FAM180A: variants seen among roughly 807,000 people sequenced by gnomAD.
FAM180A encodes the protein protein FAM180A.
In FAM180A, 14 loss-of-function variants were observed where a neutral mutation model predicts 15.3. The observed-to-expected ratio is 0.92, with a 90% CI of 0.61 to 1.43. The LOEUF (loss-of-function observed/expected upper bound fraction) is 1.43, where lower values mean the gene tolerates loss of function less well. FAM180A is among the 40% of genes most tolerant of loss of function. The probability of loss-of-function intolerance (pLI) is 0.00; values close to 1 mark genes in which losing one functional copy is unlikely to be tolerated. For missense variants in FAM180A, 200 were observed against 220.8 expected (o/e 0.91, Z 0.60); for synonymous variants, 90 against 96.8 (o/e 0.93, Z 0.41).
At chr7:135,739,903 G>A (rs1027765156) in intron 1 of FAM180A, among the ~76,000 whole-genome samples, 4 of 152,130 alleles carry the variant, frequency 2.6e-5, no homozygotes, top group Non-Finnish European at 4.4e-5. Flanking sequence ...GCAGGCTTCC[G>A]GGGTGTGCGC....
At chr7:135,744,500 G>C (rs1435419390) in intron 1 of FAM180A, among the ~76,000 whole-genome samples, 2 of 152,166 alleles carry the variant, frequency 1.3e-5, no homozygotes, top group African/African-American at 2.4e-5. Context: ...CAGCCCTCTG[G>C]AAACAGAGTG....
intron 1 of FAM180A, among the ~76,000 whole-genome samples, chr7:135,739,680 T>TTA (rs1796918862): frequency 1.4e-5 from 2 of 140,316 alleles, no homozygotes. Context: ...CAGAAGTGAT[T>TTA]AAAAAAAAAA....
intron 1 of FAM180A, among the ~76,000 whole-genome samples, chr7:135,746,874 C>A (rs1408734886): frequency 6.6e-6 from 1 of 152,142 alleles, no homozygotes; most frequent in Non-Finnish European, 1.5e-5. Flanking sequence ...CTGAGGTGGG[C>A]AGATCACTTG....
In FAM180A at chr7:135,729,773, G is replaced by T; in HGVS notation, c.*838C>A. On this transcript the variant is annotated 3_prime_UTR_variant, in exon 4 of 4. Transcript: ENST00000338588. ...GCTCAAGAAATGTAAGCCAGATCCC[G>T]CTTGTATGAGGTATCTTAAGTAGTC... The T allele has an allele frequency of 1.2e-5, 12 of 982,992 alleles. No individual in the cohort carries two copies. The highest frequency in any genetic ancestry group is 1.4e-5 in the Non-Finnish European group (12 of 828,320). 60.9% of individuals were successfully genotyped at this position (982,992 alleles called of 1,614,324 possible). A position where few individuals can be genotyped will look rare whatever the true frequency, so the allele number is the denominator to read the frequency against.
intron 1 of FAM180A, among the ~76,000 whole-genome samples, chr7:135,748,248 C>A (rs1489636700): frequency 6.6e-6 from 1 of 152,184 alleles, no homozygotes; most frequent in Non-Finnish European, 1.5e-5. Context: ...GAAATGAGTT[C>A]TCTCTGGGAT....
chr7:135,745,754 G>C (rs1443443859), intron 1 of FAM180A, among the ~76,000 whole-genome samples: 1 of 150,708 alleles, frequency 6.6e-6, no homozygotes, highest in African/African-American at 2.4e-5. Context: ...AGGGTGGGAG[G>C]ATGGACACGG....
rs1331274339 is a variant in FAM180A, at chr7:135,734,266, G to GT, written c.230dup (p.Asp77GlufsTer48). 10 of 1,613,624 alleles carry GT rather than the reference G, an allele frequency of 6.2e-6. No individual in the cohort carries two copies. The highest frequency in any genetic ancestry group is 5.1e-6 in the Non-Finnish European group (6 of 1,179,732). ...CCTTCCGCAAGGAGGCCAGCTCCTCGTCCTTGATGGAGATCTGCAGGTCAG... is the reference window on the plus strand; with the variant it reads ...CCTTCCGCAAGGAGGCCAGCTCCTCGTTCCTTGATGGAGATCTGCAGGTCAG... On this transcript the variant is annotated frameshift_variant, in exon 3 of 4. Coordinates refer to ENST00000338588, the MANE Select transcript of FAM180A (RefSeq NM_205855.4). LOFTEE classifies it high-confidence loss of function.
chr7:135,746,455 A>G (rs901716912), intron 1 of FAM180A, among the ~76,000 whole-genome samples: 2 of 152,230 alleles, frequency 1.3e-5, no homozygotes, highest in African/African-American at 4.8e-5. Context: ...ACTAAAGCTC[A>G]GAGAGGTTAA....
intron 2 of FAM180A, among the ~76,000 whole-genome samples, chr7:135,736,099 T>C (rs1473391815): frequency 5.3e-5 from 8 of 151,598 alleles, no homozygotes; most frequent in Admixed American, 2.0e-4. Context: ...CTCGGCTCAC[T>C]GCAACCTCCA....
At chr7:135,744,200 G>A (rs184267756) in intron 1 of FAM180A, among the ~76,000 whole-genome samples, 3 of 152,254 alleles carry the variant, frequency 2.0e-5, no homozygotes, top group Admixed American at 6.5e-5. Flanking sequence ...TGTAATCTGG[G>A]TTAAAAGTCT....
intron 1 of FAM180A, among the ~76,000 whole-genome samples, chr7:135,745,792 G>A (rs181318747): frequency 9.9e-5 from 15 of 151,974 alleles, no homozygotes; most frequent in Non-Finnish European, 1.9e-4. Flanking sequence ...GGGCCAAAGG[G>A]CAGGGGGTGG....
intron 2 of FAM180A, 114 bp downstream of exon 2, chr7:135,736,985 G>A: frequency 5.1e-6 from 4 of 786,328 alleles, no homozygotes; most frequent in South Asian, 1.5e-5. Context: ...CCCTACCACA[G>A]CAGGGGTCAC....
intron 2 of FAM180A, among the ~76,000 whole-genome samples, chr7:135,735,661 C>T (rs1796859358): frequency 6.6e-6 from 1 of 152,172 alleles, no homozygotes; most frequent in Non-Finnish European, 1.5e-5. Context: ...TTTGAAATCT[C>T]TCCCCCTGGC....
At position 135,734,036 on chromosome 7, in the gene FAM180A, C is replaced by A; in HGVS notation, c.461G>T (p.Ser154Ile). ...QKDIWAQSLVSLFQALRHDLM... is the reference protein window; with the variant it reads ...QKDIWAQSLVILFQALRHDLM... ...GTCGTGCCTCAGGGCCTGGAAGAGG[C>A]TAACGAGGGACTGCGCCCAGATGTC... Residue 154 changes from serine (S) to isoleucine (I), a missense_variant, in exon 3 of 4, where the codon AGC (serine) becomes ATC (isoleucine). By Grantham distance (142) the Ser-to-Ile change is moderately radical (BLOSUM62 -2). Coordinates refer to ENST00000338588, the MANE Select transcript of FAM180A (RefSeq NM_205855.4). 6.2e-7 allele frequency: 1 copy of A among 1,614,138 alleles called. No homozygotes were observed.
chr7:135,735,093 G>C (rs10248185), intron 2 of FAM180A, among the ~76,000 whole-genome samples: 4,867 of 152,026 alleles, frequency 0.032, 259 homozygotes, highest in African/African-American at 0.11. Context: ...ATTAGAGATG[G>C]GGTTTCACCA....
chr7:135,742,113 G>A (rs1473873703), intron 1 of FAM180A, among the ~76,000 whole-genome samples: 2 of 152,142 alleles, frequency 1.3e-5, no homozygotes, highest in South Asian at 4.1e-4. Context: ...CTGCTGGAGT[G>A]CAGCCAGCTC....
intron 3 of FAM180A, among the ~76,000 whole-genome samples, chr7:135,733,154 A>C (rs1268255833): frequency 6.6e-6 from 1 of 152,206 alleles, no homozygotes; most frequent in East Asian, 1.9e-4. Context: ...CTTTTGGAAA[A>C]GTCAAGAAGT....
intron 2 of FAM180A, among the ~76,000 whole-genome samples, chr7:135,734,547 T>C (rs183412309): frequency 3.1e-4 from 47 of 152,316 alleles, no homozygotes; most frequent in African/African-American, 1.1e-3. Flanking sequence ...CACCATCTAC[T>C]TCACTGGGAT....
At chr7:135,739,398 C>CAGG (rs1369525249) in intron 1 of FAM180A, among the ~76,000 whole-genome samples, 5 of 150,774 alleles carry the variant, frequency 3.3e-5, no homozygotes, top group African/African-American at 1.2e-4. Flanking sequence ...ATCACGAGGT[C>CAGG]AGGAGATCGA....
Sources: gnomAD v4.1 joint callset for allele counts (sites outside exome capture counted in the v4.1 genomes callset) on GRCh38, gnomAD v4.1.1 for gene constraint, MANE v1.5 for transcripts, NCBI Gene and HGNC (gene_info 2026-07-23, HGNC 2026-07-21) for gene names.